NLGN1: variants seen among roughly 807,000 people sequenced by gnomAD.
NLGN1 encodes the protein neuroligin-1.
In NLGN1, 12 loss-of-function variants were observed where a neutral mutation model predicts 65.5. The observed-to-expected ratio is 0.18, with a 90% confidence interval of 0.12 to 0.30. NLGN1 has a LOEUF of 0.30. Among genes scored for constraint, NLGN1 ranks in the 10% least tolerant of loss-of-function variants. The probability of loss-of-function intolerance (pLI) is 1.00; values close to 1 mark genes in which losing one functional copy is unlikely to be tolerated. For synonymous variants in NLGN1, 350 were observed against 359.5 expected (o/e 0.97, Z 0.30); for missense variants, 750 against 1,007.1 (o/e 0.74, Z 3.46).
chr3:173,692,155 A>G (rs1480033818), intron 3 of NLGN1, among the ~76,000 whole-genome samples: 8 of 152,106 alleles, frequency 5.3e-5, no homozygotes, highest in Non-Finnish European at 1.5e-5. Flanking sequence ...TACTTGTTAG[A>G]CATAAGGCAT....
chr3:173,979,208 G>A (rs964215965), intron 4 of NLGN1, among the ~76,000 whole-genome samples: 1 of 151,944 alleles, frequency 6.6e-6, no homozygotes, highest in African/African-American at 2.4e-5. Context: ...TAGCAAAGTA[G>A]ATAACTCTCC....
chr3:174,207,853 T>G (rs911196268), intron 4 of NLGN1, among the ~76,000 whole-genome samples: 2 of 152,232 alleles, frequency 1.3e-5, no homozygotes, highest in Non-Finnish European at 2.9e-5. Context: ...ATTAATATTC[T>G]TGTTAGAGAT....
chr3:173,463,575 A>C (rs1356569916), intron 2 of NLGN1, among the ~76,000 whole-genome samples: 2 of 152,160 alleles, frequency 1.3e-5, no homozygotes, highest in African/African-American at 4.8e-5. Flanking sequence ...GTCATTGTTG[A>C]ATTGGCTCAC....
chr3:173,618,071 G>C (rs377172899), intron 3 of NLGN1, among the ~76,000 whole-genome samples: 1 of 152,112 alleles, frequency 6.6e-6, no homozygotes, highest in African/African-American at 2.4e-5. Context: ...TGTTTAAGGG[G>C]TTATATAGCA....
chr3:173,751,064 A>G (rs1320462899), intron 3 of NLGN1, among the ~76,000 whole-genome samples: 1 of 152,144 alleles, frequency 6.6e-6, no homozygotes, highest in African/African-American at 2.4e-5. Context: ...GTGTTTAGCC[A>G]TGTGACAAAT....
intron 2 of NLGN1, among the ~76,000 whole-genome samples, chr3:173,436,593 A>G (rs2148772504): frequency 6.6e-6 from 1 of 152,330 alleles, no homozygotes; most frequent in East Asian, 1.9e-4. Context: ...TCTGTAACTC[A>G]ACCCAGCCAG....
At chr3:173,476,115 A>G (rs1726161860) in intron 2 of NLGN1, among the ~76,000 whole-genome samples, 1 of 152,198 alleles carries the variant, frequency 6.6e-6, no homozygotes, top group Non-Finnish European at 1.5e-5. Context: ...CCAAGAAGAC[A>G]ACTAACATCC....
At chr3:173,716,617 T>G (rs1769894490) in intron 3 of NLGN1, among the ~76,000 whole-genome samples, 1 of 152,118 alleles carries the variant, frequency 6.6e-6, no homozygotes, top group Non-Finnish European at 1.5e-5. Context: ...GGGGGCTGAA[T>G]GCACAGCTTC....
intron 2 of NLGN1, among the ~76,000 whole-genome samples, chr3:173,599,002 T>C (rs17784095): frequency 0.051 from 7,832 of 152,228 alleles, 302 homozygotes; most frequent in Non-Finnish European, 0.08. Flanking sequence ...CTACTGAACA[T>C]TCTTTCTGCT....
chr3:173,518,494 TATGTATGC>T (rs1306662554), intron 2 of NLGN1, among the ~76,000 whole-genome samples: 1 of 150,888 alleles, frequency 6.6e-6, no homozygotes, highest in Non-Finnish European at 1.5e-5. Flanking sequence ...ATAAAGTATA[TATGTATGC>T]ATGTATTATA....
At chr3:173,442,571 G>A (rs923992174) in intron 2 of NLGN1, among the ~76,000 whole-genome samples, 1 of 151,966 alleles carries the variant, frequency 6.6e-6, no homozygotes, top group Non-Finnish European at 1.5e-5. Context: ...TGTATTGAAA[G>A]GTTTAAATTT....
At chr3:173,884,434 A>C (rs372405335) in intron 4 of NLGN1, among the ~76,000 whole-genome samples, 1 of 152,258 alleles carries the variant, frequency 6.6e-6, no homozygotes, top group African/African-American at 2.4e-5. Context: ...GATGTGTGCT[A>C]TATATGTTCG....
intron 3 of NLGN1, 115 bp from the exon 3 acceptor site, chr3:173,605,419 G>GA (rs1260903310): frequency 2.2e-6 from 1 of 463,764 alleles, no homozygotes; most frequent in Non-Finnish European, 3.7e-6. Context: ...ACGAATTGGG[G>GA]ATCTTTCGCA....
At chr3:174,235,898 C>T (rs1037103858) in intron 4 of NLGN1, among the ~76,000 whole-genome samples, 14 of 149,486 alleles carry the variant, frequency 9.4e-5, no homozygotes, top group Non-Finnish European at 1.3e-4. Flanking sequence ...ATTCCCCTCA[C>T]GCTTCTTTAT....
intron 4 of NLGN1, among the ~76,000 whole-genome samples, chr3:174,026,108 G>A (rs922905505): frequency 2.0e-5 from 3 of 152,090 alleles, no homozygotes; most frequent in South Asian, 4.2e-4. Context: ...AATTAATGTA[G>A]ATGATTTATT....
At chr3:173,692,500 A>G (rs1765618923) in intron 3 of NLGN1, among the ~76,000 whole-genome samples, 1 of 152,120 alleles carries the variant, frequency 6.6e-6, no homozygotes, top group Admixed American at 6.6e-5. Flanking sequence ...TACTATATAA[A>G]TGCAAAATAT....
At chr3:174,033,014 ATC>A (rs1730359189) in intron 4 of NLGN1, among the ~76,000 whole-genome samples, 1 of 151,990 alleles carries the variant, frequency 6.6e-6, no homozygotes, top group Admixed American at 6.6e-5. Flanking sequence ...ATATATATAG[ATC>A]TATATCTATG....
chr3:174,199,255 G>A (rs4894654), intron 4 of NLGN1, among the ~76,000 whole-genome samples: 2 of 151,278 alleles, frequency 1.3e-5, no homozygotes, highest in Admixed American at 6.6e-5. Context: ...CTCAGGTTCC[G>A]TATTTGTAAA....
chr3:173,485,517 C>T (rs983086800), intron 2 of NLGN1, among the ~76,000 whole-genome samples: 3 of 152,118 alleles, frequency 2.0e-5, no homozygotes, highest in Non-Finnish European at 4.4e-5. Context: ...ATTGAATTTA[C>T]ATTAATGTAA....
Sources: gnomAD v4.1 joint callset for allele counts (sites outside exome capture counted in the v4.1 genomes callset) on GRCh38, gnomAD v4.1.1 for gene constraint, MANE v1.5 for transcripts, NCBI Gene and HGNC (gene_info 2026-07-23, HGNC 2026-07-21) for gene names.